The following EIF3CL variants were observed in gnomAD, a reference collection of about 807,000 sequenced individuals.
EIF3CL encodes eukaryotic translation initiation factor 3 subunit C-like protein.
For synonymous variants in EIF3CL, 2 were observed against 19.6 expected (o/e 0.10, Z 2.37); for missense variants, 5 against 56.1 (o/e 0.09, Z 2.91).
chr16:28,418,712 C>A, the EIF3CL span, among the ~76,000 whole-genome samples: 1 of 151,820 alleles, frequency 6.6e-6, no homozygotes, highest in African/African-American at 2.4e-5. Flanking sequence ...TCACTGAAGC[C>A]TCTGCCTCCC....
chr16:28,418,981 G>C, the EIF3CL span, among the ~76,000 whole-genome samples: 1 of 147,760 alleles, frequency 6.8e-6, no homozygotes, highest in South Asian at 2.1e-4. Flanking sequence ...CCAGGGATGT[G>C]ATAATGCTTC....
chr16:28,419,275 G>A, the EIF3CL span, among the ~76,000 whole-genome samples: 4 of 150,936 alleles, frequency 2.7e-5, no homozygotes, highest in Non-Finnish European at 5.9e-5. Flanking sequence ...CAAAGTGCTG[G>A]GATTACAGGT....
At chr16:28,413,564 TA>T in the EIF3CL span, 1 of 64,586 alleles carries the variant, frequency 1.5e-5, no homozygotes, top group South Asian at 9.6e-5. Flanking sequence ...GCGGGGATAT[TA>T]AAAAAACCAC....
the EIF3CL span, among the ~76,000 whole-genome samples, chr16:28,418,591 C>T: frequency 7.1e-6 from 1 of 140,236 alleles, no homozygotes; most frequent in Non-Finnish European, 1.5e-5. Flanking sequence ...CAGTCATTCT[C>T]TAAGATCCAT....
chr16:28,414,947 G>A, the EIF3CL span: 10 of 504,940 alleles, frequency 2.0e-5, 1 homozygote, highest in South Asian at 1.3e-4. Context: ...AGGCCAAGGA[G>A]GGAGAGGAGG....
At chr16:28,417,974 T>C in the EIF3CL span, among the ~76,000 whole-genome samples, 2 of 125,866 alleles carry the variant, frequency 1.6e-5, no homozygotes, top group Non-Finnish European at 3.3e-5. Flanking sequence ...ACCAAGGAGG[T>C]GGAGGTTGCA....
chr16:28,385,441 A>C (rs932188770), intron 15 of EIF3CL, among the ~76,000 whole-genome samples: 7 of 118,488 alleles, frequency 5.9e-5, no homozygotes, highest in African/African-American at 2.0e-4. Flanking sequence ...AAGCAATCCT[A>C]CCTCAGCCTC....
At chr16:28,405,890 C>CACACACACACAT (rs143220876), upstream of EIF3CL, among the ~76,000 whole-genome samples, 1 of 139,458 alleles carries the variant, frequency 7.2e-6, no homozygotes, top group Non-Finnish European at 1.5e-5. Context: ...TATACACACA[C>CACACACACACAT]ACACACACAC....
Position 28,403,555 on chromosome 16 carries a change from G to A in EIF3CL, c.64C>T (p.Leu22Phe). Residue 22 changes from leucine to phenylalanine, a missense_variant, in exon 2 of 21, where the codon CTC becomes TTC. Physicochemically the swap from Leu to Phe is conservative, Grantham distance 22. Transcript: ENST00000380876. ...ESESSLSGEE[L>F]VTKPVGGNYG... The stretch of plus-strand genomic sequence containing the variant: ...TTGCCTCCGACAGGTTTGGTGACGA[G>A]CTCCTCCCCGGACAAGGACGACTCG... The A allele has an allele frequency of 3.0e-4, 1 of 3,364 alleles. No homozygotes were observed. 0.2% of individuals were successfully genotyped at this position (3,364 alleles called of 1,614,324 possible).
intron 8 of EIF3CL, among the ~76,000 whole-genome samples, chr16:28,392,967 AGTAT>A (rs2045645487): frequency 7.2e-6 from 1 of 138,032 alleles, no homozygotes; most frequent in Non-Finnish European, 1.6e-5. Context: ...TCCAGACTTG[AGTAT>A]GTATTTATGT....
the EIF3CL span, among the ~76,000 whole-genome samples, chr16:28,416,756 G>T: frequency 4.1e-5 from 4 of 98,514 alleles, no homozygotes; most frequent in South Asian, 2.8e-4. Flanking sequence ...GAGGGAGGTG[G>T]GGGGGGTCAG....
chr16:28,419,207 C>G, the EIF3CL span, among the ~76,000 whole-genome samples: 1 of 150,642 alleles, frequency 6.6e-6, no homozygotes, highest in Admixed American at 6.6e-5. Flanking sequence ...GGGGTTTCAC[C>G]GTGTTAGCCA....
chr16:28,418,617 T>G, the EIF3CL span, among the ~76,000 whole-genome samples: 2 of 134,146 alleles, frequency 1.5e-5, no homozygotes, highest in Non-Finnish European at 1.6e-5. Context: ...CAGCATATGC[T>G]AAACGCCTGC....
At chr16:28,402,975 GAA>G (rs929614943) in intron 2 of EIF3CL, among the ~76,000 whole-genome samples, 6 of 62,364 alleles carry the variant, frequency 9.6e-5, no homozygotes, top group African/African-American at 2.7e-4. Context: ...CTCAAAAAAA[GAA>G]AAAAAAAAGG....
At chr16:28,416,772 C>A in the EIF3CL span, among the ~76,000 whole-genome samples, 1 of 113,086 alleles carries the variant, frequency 8.8e-6, no homozygotes, top group African/African-American at 3.2e-5. Context: ...GTCAGCCCCC[C>A]CACCCGGCCA....
At chr16:28,391,888 C>T (rs2045631012) in intron 9 of EIF3CL, 33 bp from the exon 10 acceptor site, 1 of 1,434,820 alleles carries the variant, frequency 7.0e-7, no homozygotes, top group South Asian at 1.2e-5. Context: ...ATGTACATGC[C>T]AGCGGGAAAC....
the EIF3CL span, among the ~76,000 whole-genome samples, chr16:28,418,405 C>T: frequency 6.4e-5 from 8 of 124,560 alleles, no homozygotes; most frequent in South Asian, 2.5e-4. Context: ...GTGATTTGGC[C>T]TCCCAAAGTG....
chr16:28,414,549 G>T, the EIF3CL span: 3 of 181,366 alleles, frequency 1.7e-5, no homozygotes, highest in South Asian at 1.9e-4. Flanking sequence ...CAATTGTCAC[G>T]CAGTTCAACC....
chr16:28,414,229 T>G, the EIF3CL span: 2 of 341,876 alleles, frequency 5.9e-6, no homozygotes, highest in Non-Finnish European at 1.2e-5. Context: ...AAACCTCGTC[T>G]CTACAAAAAT....
Sources: gnomAD v4.1 joint callset for allele counts (sites outside exome capture counted in the v4.1 genomes callset) on GRCh38, gnomAD v4.1.1 for gene constraint, MANE v1.5 for transcripts, NCBI Gene and HGNC (gene_info 2026-07-23, HGNC 2026-07-21) for gene names.